The following CHCHD6 variants were observed in gnomAD, a reference collection of about 807,000 sequenced individuals.
The protein encoded by CHCHD6 is MICOS complex subunit MIC25.
In CHCHD6, 28 loss-of-function variants were observed where a neutral mutation model predicts 32.3. The observed-to-expected ratio is 0.87, with a 90% CI of 0.64 to 1.19. The LOEUF is 1.19. Ranked by LOEUF, CHCHD6 falls within the 50% of genes most tolerant of loss-of-function variation. The pLI is 0.00. For synonymous variants in CHCHD6, 122 were observed against 117.5 expected, an observed-to-expected ratio of 1.04 and a Z score of -0.25; for missense variants, 333 against 307.0, an observed-to-expected ratio of 1.08 and a Z score of -0.63.
At chr3:126,762,045 T>G (rs1453770364) in intron 4 of CHCHD6, among the ~76,000 whole-genome samples, 2 of 152,208 alleles carry the variant, frequency 1.3e-5, no homozygotes, top group Admixed American at 1.3e-4. Context: ...TCTTTTTCTT[T>G]GTCAGTCTTG....
chr3:126,932,275 G>A (rs532603634), intron 6 of CHCHD6, among the ~76,000 whole-genome samples: 13 of 152,124 alleles, frequency 8.5e-5, no homozygotes, highest in Non-Finnish European at 1.2e-4. Flanking sequence ...TAGACCACTT[G>A]CCTCAGAATC....
intron 1 of CHCHD6, among the ~76,000 whole-genome samples, chr3:126,711,332 G>A (rs1934740342): frequency 6.6e-6 from 1 of 152,216 alleles, no homozygotes; most frequent in African/African-American, 2.4e-5. Context: ...CGGGATGTGT[G>A]CGGCAGACTT....
At chr3:126,779,041 A>G (rs979127974) in intron 4 of CHCHD6, among the ~76,000 whole-genome samples, 1 of 151,406 alleles carries the variant, frequency 6.6e-6, no homozygotes, top group East Asian at 1.9e-4. Flanking sequence ...GAGCCACTAC[A>G]CCAGGCCAAA....
chr3:126,737,607 C>G (rs552268942), intron 4 of CHCHD6, among the ~76,000 whole-genome samples: 1 of 151,926 alleles, frequency 6.6e-6, no homozygotes, highest in South Asian at 2.1e-4. Flanking sequence ...GGAAGACACT[C>G]GAGGAGCAAG....
At chr3:126,833,946 T>G (rs1280872966) in intron 4 of CHCHD6, among the ~76,000 whole-genome samples, 1 of 143,858 alleles carries the variant, frequency 7.0e-6, no homozygotes, top group South Asian at 2.2e-4. Context: ...CCTAGCTACT[T>G]GGGAGGCTGA....
At chr3:126,829,935 C>G (rs1271919403) in intron 4 of CHCHD6, among the ~76,000 whole-genome samples, 5 of 151,896 alleles carry the variant, frequency 3.3e-5, no homozygotes, top group Non-Finnish European at 7.4e-5. Context: ...CTGCCCCTAC[C>G]AAAAATAGAA....
At chr3:126,722,502 T>A (rs1229164283) in intron 1 of CHCHD6, among the ~76,000 whole-genome samples, 3 of 152,124 alleles carry the variant, frequency 2.0e-5, no homozygotes. Flanking sequence ...TCCTCGTGGG[T>A]GTGATGTGGT....
At chr3:126,914,847 T>C (rs2107590422) in intron 6 of CHCHD6, 97 bp downstream of exon 6, 1 of 734,864 alleles carries the variant, frequency 1.4e-6, no homozygotes, top group East Asian at 2.6e-5. Context: ...TAATTTCAAG[T>C]TTCCCTAATA....
At chr3:126,880,939 T>G (rs1409563342) in intron 5 of CHCHD6, among the ~76,000 whole-genome samples, 1 of 152,182 alleles carries the variant, frequency 6.6e-6, no homozygotes, top group East Asian at 1.9e-4. Flanking sequence ...ATGCACAGAA[T>G]TGGTCCTTGG....
At chr3:126,836,471 G>A (rs1232445900) in intron 4 of CHCHD6, among the ~76,000 whole-genome samples, 1 of 152,136 alleles carries the variant, frequency 6.6e-6, no homozygotes, top group African/African-American at 2.4e-5. Context: ...GTTCTTCACA[G>A]CCCTTCATCA....
At chr3:126,842,168 C>A (rs1473953759) in intron 4 of CHCHD6, among the ~76,000 whole-genome samples, 1 of 152,162 alleles carries the variant, frequency 6.6e-6, no homozygotes, top group Non-Finnish European at 1.5e-5. Flanking sequence ...GTGGAAGTAT[C>A]ACTTAAGCCC....
rs568449346 is a variant in CHCHD6 at position 126,718,217 on chromosome 3, A to G, written c.88-8861A>G. Among the ~76,000 whole-genome samples the G allele has an allele frequency of 3.3e-5, 5 of 152,338 alleles. No homozygotes were observed. The East Asian group carries it at 9.6e-4, about 29-fold the overall frequency. ...AGAACAGTGCTGATGGTCTGTGGCA[A>G]ATGCTAACTGTTGTTATTATTGATC... On this transcript the variant is annotated intron_variant, in intron 1 of 7. Coordinates refer to ENST00000290913, the MANE Select transcript of CHCHD6 (RefSeq NM_032343.3).
chr3:126,830,011 T>C (rs1940569192), intron 4 of CHCHD6, among the ~76,000 whole-genome samples: 1 of 152,066 alleles, frequency 6.6e-6, no homozygotes, highest in Admixed American at 6.5e-5. Context: ...AACAGGAGAA[T>C]TGCTTGAACT....
At chr3:126,866,210 T>C (rs1441996866) in intron 5 of CHCHD6, among the ~76,000 whole-genome samples, 1 of 152,194 alleles carries the variant, frequency 6.6e-6, no homozygotes, top group African/African-American at 2.4e-5. Context: ...TAACAGACTA[T>C]ACCTGTCTGT....
At chr3:126,770,049 G>T (rs1375691956) in intron 4 of CHCHD6, among the ~76,000 whole-genome samples, 1 of 152,064 alleles carries the variant, frequency 6.6e-6, no homozygotes. Context: ...TCATTGTAGA[G>T]ATTTTTTACC....
chr3:126,911,145 T>C (rs2107588249), intron 5 of CHCHD6, among the ~76,000 whole-genome samples: 1 of 152,336 alleles, frequency 6.6e-6, no homozygotes. Flanking sequence ...GGCTGTCCTT[T>C]CAGGTGCCCC....
At chr3:126,786,181 T>C (rs1042288192) in intron 4 of CHCHD6, among the ~76,000 whole-genome samples, 4 of 152,360 alleles carry the variant, frequency 2.6e-5, no homozygotes, top group African/African-American at 9.6e-5. Context: ...GGCTGCATAG[T>C]ATTCCATGGT....
chr3:126,867,724 G>A (rs1942334790), intron 5 of CHCHD6, among the ~76,000 whole-genome samples: 1 of 151,278 alleles, frequency 6.6e-6, no homozygotes, highest in Non-Finnish European at 1.5e-5. Flanking sequence ...ATAAACAGAT[G>A]CTTGTGCCAC....
intron 6 of CHCHD6, among the ~76,000 whole-genome samples, chr3:126,938,495 CTTA>C (rs1296794610): frequency 1.3e-5 from 2 of 152,182 alleles, no homozygotes; most frequent in Non-Finnish European, 2.9e-5. Flanking sequence ...GGTAGCTGTT[CTTA>C]TTTATTATTG....
Sources: gnomAD v4.1 joint callset for allele counts (sites outside exome capture counted in the v4.1 genomes callset) on GRCh38, gnomAD v4.1.1 for gene constraint, MANE v1.5 for transcripts, NCBI Gene and HGNC (gene_info 2026-07-23, HGNC 2026-07-21) for gene names.